SNAPC1: variants seen among roughly 807,000 people sequenced by gnomAD.
SNAPC1 encodes the protein snRNA-activating protein complex subunit 1.
In SNAPC1, 42 loss-of-function variants were observed where a neutral mutation model predicts 50.1. The observed-to-expected ratio is 0.84, with a 90% CI of 0.65 to 1.08. SNAPC1 has a LOEUF of 1.08. Among genes scored for constraint, SNAPC1 ranks in the 50% least tolerant of loss-of-function variants. The pLI is 0.00. For synonymous variants in SNAPC1, 164 were observed against 144.2 expected (o/e 1.14, Z -0.98); for missense variants, 477 against 427.3 (o/e 1.12, Z -1.02).
intron 7 of SNAPC1, among the ~76,000 whole-genome samples, chr14:61,781,376 G>A (rs1054346073): frequency 6.6e-6 from 1 of 151,320 alleles, no homozygotes; most frequent in African/African-American, 2.4e-5. Context: ...GTGAACCCCG[G>A]GAGGTAGAGG....
At chr14:61,785,286 C>T (rs2045107107) in intron 8 of SNAPC1, among the ~76,000 whole-genome samples, 2 of 152,142 alleles carry the variant, frequency 1.3e-5, no homozygotes, top group Non-Finnish European at 2.9e-5. Flanking sequence ...CATGTAATCC[C>T]AGCTACTTGG....
intron 4 of SNAPC1, among the ~76,000 whole-genome samples, chr14:61,775,856 A>T (rs550110528): frequency 2.6e-5 from 4 of 152,294 alleles, no homozygotes; most frequent in Admixed American, 6.5e-5. Flanking sequence ...AGTGTATCTT[A>T]TATCTTAGTT....
intron 3 of SNAPC1, 132 bp from the exon 4 acceptor site, chr14:61,768,504 T>A: frequency 1.8e-6 from 1 of 568,868 alleles, no homozygotes. Flanking sequence ...ATTTAACAGA[T>A]GTACCCTTAC....
At chr14:61,774,741 G>A (rs1032495578) in intron 4 of SNAPC1, among the ~76,000 whole-genome samples, 3 of 133,930 alleles carry the variant, frequency 2.2e-5, no homozygotes, top group Non-Finnish European at 4.6e-5. Context: ...CTGGCTTACC[G>A]CAACCTCTGC....
At chr14:61,774,685 CAG>C (rs2045021853) in intron 4 of SNAPC1, among the ~76,000 whole-genome samples, 1 of 94,964 alleles carries the variant, frequency 1.1e-5, no homozygotes, top group Non-Finnish European at 1.9e-5. Flanking sequence ...TTTTGAGAGG[CAG>C]AGTTTCACTC....
chr14:61,778,047 G>T (rs746924991), intron 5 of SNAPC1, 25 bp from the exon 6 acceptor site: 1 of 1,258,432 alleles, frequency 7.9e-7, no homozygotes, highest in Admixed American at 1.9e-5. Context: ...GTGTATGTGT[G>T]TATGTATCTT....
At chr14:61,786,173 A>G (rs1020155735) in intron 8 of SNAPC1, among the ~76,000 whole-genome samples, 13 of 152,210 alleles carry the variant, frequency 8.5e-5, no homozygotes, top group Non-Finnish European at 1.8e-4. Flanking sequence ...CTAAATTTGA[A>G]ACCTAAATTA....
At chr14:61,787,125 A>T (rs1566593020) in intron 8 of SNAPC1, among the ~76,000 whole-genome samples, 1 of 152,198 alleles carries the variant, frequency 6.6e-6, no homozygotes, top group Non-Finnish European at 1.5e-5. Context: ...GTTGCTACGG[A>T]CTTAGGGGTA....
intron 1 of SNAPC1, among the ~76,000 whole-genome samples, chr14:61,766,090 A>G (rs2044946849): frequency 6.6e-6 from 1 of 152,258 alleles, no homozygotes; most frequent in South Asian, 2.1e-4. Context: ...AAATTTATTC[A>G]AAGACCTATG....
At chr14:61,769,737 G>A (rs188430887) in intron 4 of SNAPC1, among the ~76,000 whole-genome samples, 52 of 152,246 alleles carry the variant, frequency 3.4e-4, no homozygotes, top group Admixed American at 2.7e-3. Context: ...ACCTACCATT[G>A]AAAACAGTGA....
At chr14:61,792,656 A>G in intron 8 of SNAPC1, 151 bp from the exon 9 acceptor site, 1 of 402,854 alleles carries the variant, frequency 2.5e-6, no homozygotes. Context: ...AAATATAGGT[A>G]TTCTAGAATG....
intron 8 of SNAPC1, among the ~76,000 whole-genome samples, chr14:61,791,415 A>G (rs2045151597): frequency 6.6e-6 from 1 of 152,222 alleles, no homozygotes; most frequent in African/African-American, 2.4e-5. Flanking sequence ...TTTTGTAATT[A>G]TAAATACATT....
At chr14:61,768,072 C>G (rs1594643034) in intron 3 of SNAPC1, among the ~76,000 whole-genome samples, 1 of 152,252 alleles carries the variant, frequency 6.6e-6, no homozygotes, top group East Asian at 1.9e-4. Context: ...AGCCACCATG[C>G]CCGGCCTTGT....
At chr14:61,790,222 T>G (rs1284441608) in intron 8 of SNAPC1, among the ~76,000 whole-genome samples, 2 of 152,202 alleles carry the variant, frequency 1.3e-5, no homozygotes, top group Non-Finnish European at 1.5e-5. Context: ...TTACTTAAGC[T>G]TATGTTATTT....
chr14:61,763,116 G>A (rs917112459), intron 1 of SNAPC1, among the ~76,000 whole-genome samples: 2 of 145,568 alleles, frequency 1.4e-5, no homozygotes, highest in Admixed American at 7.3e-5. Context: ...CTCAACCTCC[G>A]GAGTAGCTGG....
At chr14:61,763,752 A>G (rs1446234751) in intron 1 of SNAPC1, among the ~76,000 whole-genome samples, 2 of 152,086 alleles carry the variant, frequency 1.3e-5, no homozygotes, top group African/African-American at 4.8e-5. Context: ...GGGATTGTTA[A>G]GGGCATAGGT....
At chr14:61,768,551 A>G in intron 3 of SNAPC1, 85 bp from the exon 4 acceptor site, 2 of 733,562 alleles carry the variant, frequency 2.7e-6, no homozygotes, top group Non-Finnish European at 2.3e-6. Context: ...CTTATAGACA[A>G]TTTTTAGTGC....
At chr14:61,781,903 T>C (rs552151415) in intron 7 of SNAPC1, among the ~76,000 whole-genome samples, 1 of 152,348 alleles carries the variant, frequency 6.6e-6, no homozygotes, top group Admixed American at 6.5e-5. Context: ...CGTGAAGTAC[T>C]TCTACTTGGA....
intron 1 of SNAPC1, among the ~76,000 whole-genome samples, chr14:61,765,927 C>T (rs960702090): frequency 3.3e-5 from 5 of 152,230 alleles, no homozygotes; most frequent in Non-Finnish European, 5.9e-5. Flanking sequence ...CTATCTTTTT[C>T]GCCTCGGCTT....
Sources: allele counts gnomAD v4.1 joint callset (sites outside exome capture counted in the v4.1 genomes callset), GRCh38; gene constraint gnomAD v4.1.1; transcripts MANE v1.5; gene names NCBI Gene and HGNC (gene_info 2026-07-23, HGNC 2026-07-21).